MACROD2: variants seen among roughly 807,000 people sequenced by gnomAD.
MACROD2 encodes the protein ADP-ribose glycohydrolase MACROD2.
Under a neutral mutation model 70.4 loss-of-function variants are expected in MACROD2, and 36 were observed. The observed-to-expected ratio is 0.51, with a 90% CI of 0.39 to 0.68. The LOEUF is 0.68. Ranked by LOEUF, MACROD2 falls within the 30% of genes least tolerant of loss-of-function variation. The pLI is 0.00. For missense variants in MACROD2, 496 were observed against 538.4 expected (o/e 0.92, Z 0.78); for synonymous variants, 172 against 178.8 (o/e 0.96, Z 0.30).
intron 3 of MACROD2, among the ~76,000 whole-genome samples, chr20:14,243,551 T>C (rs2081946001): frequency 6.6e-6 from 1 of 152,222 alleles, no homozygotes; most frequent in Non-Finnish European, 1.5e-5. Flanking sequence ...ATTCTTGTAT[T>C]GCCTGTACGG....
At chr20:14,150,445 T>C (rs1202956467) in intron 3 of MACROD2, among the ~76,000 whole-genome samples, 1 of 152,200 alleles carries the variant, frequency 6.6e-6, no homozygotes, top group Non-Finnish European at 1.5e-5. Context: ...GTGAGTGTTA[T>C]ACAAAAGCAA....
chr20:15,637,648 A>G (rs2049390869), intron 8 of MACROD2, among the ~76,000 whole-genome samples: 1 of 152,226 alleles, frequency 6.6e-6, no homozygotes, highest in Admixed American at 6.5e-5. Context: ...TGTTCGAGAA[A>G]AGAAGGGAGA....
At chr20:14,655,571 A>T (rs1273673735) in intron 4 of MACROD2, among the ~76,000 whole-genome samples, 2 of 152,102 alleles carry the variant, frequency 1.3e-5, no homozygotes, top group Non-Finnish European at 2.9e-5. Flanking sequence ...CTTTATTGCT[A>T]AGCTATAAGA....
intron 3 of MACROD2, among the ~76,000 whole-genome samples, chr20:14,113,874 G>A (rs1295726381): frequency 6.6e-6 from 1 of 151,974 alleles, no homozygotes; most frequent in Non-Finnish European, 1.5e-5. Flanking sequence ...GCATTTGATG[G>A]TATGCCCATG....
At chr20:15,521,965 C>T (rs540530999) in intron 8 of MACROD2, among the ~76,000 whole-genome samples, 199 of 152,332 alleles carry the variant, frequency 1.3e-3, no homozygotes, top group Middle Eastern at 3.4e-3. Flanking sequence ...GTAGAAAGAA[C>T]ACCAGAATGG....
At chr20:14,346,093 CAAAAAAAAAAAAAAAAAA>C (rs71190130) in intron 3 of MACROD2, among the ~76,000 whole-genome samples, 2 of 41,150 alleles carry the variant, frequency 4.9e-5, no homozygotes, top group Admixed American at 5.1e-4. Flanking sequence ...GATTCTGCCT[CAAAAAAAAAAAAAAAAAA>C]AAAAAAAAAA....
At chr20:14,084,982 G>T (rs2054058215) in intron 2 of MACROD2, among the ~76,000 whole-genome samples, 1 of 146,582 alleles carries the variant, frequency 6.8e-6, no homozygotes, top group Admixed American at 7.0e-5. Context: ...AATTAGATGG[G>T]CATGGCATGG....
chr20:14,188,828 G>T (rs1236322309), intron 3 of MACROD2, among the ~76,000 whole-genome samples: 1 of 152,082 alleles, frequency 6.6e-6, no homozygotes, highest in Admixed American at 6.6e-5. Context: ...AAACAACACA[G>T]CCTACATTTT....
intron 3 of MACROD2, among the ~76,000 whole-genome samples, chr20:14,255,090 T>A (rs893333436): frequency 6.6e-6 from 1 of 151,984 alleles, no homozygotes; most frequent in Non-Finnish European, 1.5e-5. Flanking sequence ...GCTTGTAGAG[T>A]TTCTGCTGAG....
chr20:14,438,121 T>G (rs1357433942), intron 3 of MACROD2, among the ~76,000 whole-genome samples: 1 of 152,182 alleles, frequency 6.6e-6, no homozygotes, highest in African/African-American at 2.4e-5. Context: ...CCTCAACCCT[T>G]TATTCCTTTT....
chr20:15,678,979 G>C (rs916017461), intron 8 of MACROD2, among the ~76,000 whole-genome samples: 2 of 152,168 alleles, frequency 1.3e-5, no homozygotes, highest in Non-Finnish European at 2.9e-5. Context: ...GCTCACGCCT[G>C]TAATCCCAGC....
intron 17 of MACROD2, among the ~76,000 whole-genome samples, chr20:16,049,498 T>C (rs916072956): frequency 1.3e-5 from 2 of 152,178 alleles, no homozygotes; most frequent in African/African-American, 4.8e-5. Flanking sequence ...AACTAGAGTG[T>C]GAGCATGGGC....
intron 5 of MACROD2, among the ~76,000 whole-genome samples, chr20:14,686,179 T>C (rs1191412280): frequency 6.6e-6 from 1 of 152,150 alleles, no homozygotes; most frequent in Admixed American, 6.5e-5. Flanking sequence ...ACAGATTGAG[T>C]ATTCCTTACC....
intron 15 of MACROD2, among the ~76,000 whole-genome samples, chr20:16,012,151 C>T (rs1320654938): frequency 6.6e-6 from 1 of 152,226 alleles, no homozygotes; most frequent in Non-Finnish European, 1.5e-5. Context: ...ACTCTCCTAG[C>T]ACACATGTTC....
At chr20:14,203,011 C>T (rs1555934609) in intron 3 of MACROD2, among the ~76,000 whole-genome samples, 1 of 151,670 alleles carries the variant, frequency 6.6e-6, no homozygotes, top group Non-Finnish European at 1.5e-5. Flanking sequence ...CGTGTCATTG[C>T]ACTCCAGCCT....
At chr20:14,093,493 C>T (rs2054180344) in intron 3 of MACROD2, among the ~76,000 whole-genome samples, 1 of 152,178 alleles carries the variant, frequency 6.6e-6, no homozygotes, top group East Asian at 1.9e-4. Context: ...CCTCACAAAG[C>T]AGTATTTTTG....
At chr20:15,812,126 T>C (rs1378633862) in intron 8 of MACROD2, among the ~76,000 whole-genome samples, 1 of 152,188 alleles carries the variant, frequency 6.6e-6, no homozygotes, top group Non-Finnish European at 1.5e-5. Context: ...AGCTCAGTGT[T>C]TAAGCTGCTT....
intron 6 of MACROD2, among the ~76,000 whole-genome samples, chr20:15,411,891 T>G (rs891164702): frequency 6.6e-6 from 1 of 152,182 alleles, no homozygotes; most frequent in Admixed American, 6.6e-5. Flanking sequence ...GGTTTAATCC[T>G]TGGTGCTGCT....
At chr20:15,879,447 A>G (rs6135585) in intron 9 of MACROD2, among the ~76,000 whole-genome samples, 7,248 of 152,246 alleles carry the variant, frequency 0.048, 354 homozygotes, top group East Asian at 0.24. Context: ...AGTAGATTTC[A>G]TTAATATGTA....
Sources: allele counts gnomAD v4.1 joint callset (sites outside exome capture counted in the v4.1 genomes callset), GRCh38; gene constraint gnomAD v4.1.1; transcripts MANE v1.5; gene names NCBI Gene and HGNC (gene_info 2026-07-23, HGNC 2026-07-21).